The following CLSTN2 variants were observed in gnomAD, a reference collection of about 807,000 sequenced individuals.
CLSTN2 encodes the protein calsyntenin 2.
CLSTN2 carries 48 observed loss-of-function variants against 101.2 expected under a neutral mutation model. That is an observed-to-expected ratio of 0.47 (90% CI 0.38 to 0.60). The LOEUF (loss-of-function observed/expected upper bound fraction) is 0.60, where lower values mean the gene tolerates loss of function less well. Among genes scored for constraint, CLSTN2 ranks in the 20% least tolerant of loss-of-function variants. CLSTN2 has a pLI of 0.00. For missense variants in CLSTN2, 1,160 were observed against 1,238.2 expected (o/e 0.94, Z 0.95); for synonymous variants, 481 against 463.6 (o/e 1.04, Z -0.48).
rs1328264776 is a variant in CLSTN2, at chr3:140,032,102, G to A, written c.109+96619G>A. ...CTTCCCCCACAGACCAAAGGAAAGC[G>A]CTGCCCATGAACATATTGCATAGAC... On this transcript the variant is annotated intron_variant, in intron 1 of 16. Coordinates refer to ENST00000458420, the MANE Select transcript of CLSTN2 (RefSeq NM_022131.3). Among the ~76,000 whole-genome samples, 5 of 152,244 alleles carry A rather than the reference G, an allele frequency of 3.3e-5. No individual in the cohort carries two copies. The South Asian group carries it at 6.2e-4, about 19-fold the overall frequency.
chr3:140,415,066 C>A (rs1393003510), intron 4 of CLSTN2, among the ~76,000 whole-genome samples: 6 of 151,590 alleles, frequency 4.0e-5, no homozygotes, highest in African/African-American at 1.5e-4. Context: ...ACCAAAGCCA[C>A]CAAGAATACA....
intron 9 of CLSTN2, among the ~76,000 whole-genome samples, chr3:140,534,223 G>C (rs1000998551): frequency 4.8e-4 from 73 of 152,148 alleles, no homozygotes; most frequent in Non-Finnish European, 5.9e-5. Flanking sequence ...TGGGTGTTAT[G>C]GAACATAGCC....
chr3:140,033,554 C>T (rs74489768), intron 1 of CLSTN2, among the ~76,000 whole-genome samples: 1 of 152,314 alleles, frequency 6.6e-6, no homozygotes, highest in East Asian at 1.9e-4. Flanking sequence ...GAAATGAACA[C>T]AAACACCACT....
At position 140,568,107 on chromosome 3, in the gene CLSTN2, G is replaced by C. The variant is rs1985358279; in HGVS notation, c.*1854G>C. The C allele has an allele frequency of 6.6e-6, 1 of 152,178 alleles. No individual in the cohort carries two copies. Among genetic ancestry groups the C allele is most frequent in the Non-Finnish European group, 1.5e-5 (1 of 68,044 alleles). The allele number at this position is 152,178 out of a possible 1,614,324, so 9.4% of individuals were successfully genotyped here. A position where few individuals can be genotyped will look rare whatever the true frequency, so the allele number is the denominator to read the frequency against. ...TTGTTCAGAGTCATTCAAAAGTATA[G>C]ACAAGACCAGTCTCCCCAACTTCCA... On this transcript the variant is annotated 3_prime_UTR_variant, in exon 17 of 17. Coordinates refer to ENST00000458420, the MANE Select transcript of CLSTN2 (RefSeq NM_022131.3).
intron 1 of CLSTN2, among the ~76,000 whole-genome samples, chr3:140,008,731 G>T (rs1208975282): frequency 6.6e-6 from 1 of 152,184 alleles, no homozygotes; most frequent in Non-Finnish European, 1.5e-5. Context: ...ACTCCAGAAG[G>T]CCATCAAAGA....
In CLSTN2 at chr3:140,484,809, A is replaced by G. The variant is rs147623713; in HGVS notation, c.1344+18078A>G. Among the ~76,000 whole-genome samples, 47 of 152,210 alleles carry G rather than the reference A, an allele frequency of 3.1e-4. No homozygotes were observed. The East Asian group carries it at 8.5e-3, about 28-fold the overall frequency. On this transcript the variant is annotated intron_variant, in intron 8 of 16. Coordinates refer to ENST00000458420, the MANE Select transcript of CLSTN2 (RefSeq NM_022131.3). ...CTCTCGTGCTGTGGTTTTCAGCTCC[A>G]TCAGGTCATTTAAGGACTTCTCTGC...
intron 8 of CLSTN2, among the ~76,000 whole-genome samples, chr3:140,509,705 A>G (rs539058720): frequency 6.6e-6 from 1 of 152,134 alleles, no homozygotes; most frequent in East Asian, 1.9e-4. Flanking sequence ...CCTGCAGGAG[A>G]CAGCACAGGG....
At chr3:140,033,973 G>A (rs1027162237) in intron 1 of CLSTN2, among the ~76,000 whole-genome samples, 1 of 152,040 alleles carries the variant, frequency 6.6e-6, no homozygotes, top group Non-Finnish European at 1.5e-5. Flanking sequence ...AGCCTGAAAG[G>A]GTACAAACTT....
intron 2 of CLSTN2, among the ~76,000 whole-genome samples, chr3:140,180,076 G>A (rs1001692364): frequency 6.6e-6 from 1 of 152,166 alleles, no homozygotes; most frequent in Non-Finnish European, 1.5e-5. Flanking sequence ...GCTTTCCAGG[G>A]CTGTTTGTTG....
intron 2 of CLSTN2, among the ~76,000 whole-genome samples, chr3:140,273,854 T>C (rs754498510): frequency 2.6e-5 from 4 of 152,192 alleles, no homozygotes; most frequent in Non-Finnish European, 5.9e-5. Context: ...CTACAAAGAA[T>C]GTCCTTACCT....
chr3:140,329,256 G>A (rs1185794220), intron 2 of CLSTN2, among the ~76,000 whole-genome samples: 1 of 152,188 alleles, frequency 6.6e-6, no homozygotes, highest in Non-Finnish European at 1.5e-5. Context: ...GGGCATGGTG[G>A]CACATGCCTG....
intron 1 of CLSTN2, among the ~76,000 whole-genome samples, chr3:140,153,836 C>T (rs956978728): frequency 2.0e-5 from 3 of 152,144 alleles, no homozygotes; most frequent in Non-Finnish European, 1.5e-5. Flanking sequence ...GGGAGTGGAG[C>T]TTCCAGAGGG....
chr3:140,227,455 G>T (rs185417032), intron 2 of CLSTN2, among the ~76,000 whole-genome samples: 1 of 152,148 alleles, frequency 6.6e-6, no homozygotes, highest in African/African-American at 2.4e-5. Context: ...CTTCCCTCCC[G>T]GCTGTCCTCA....
chr3:140,550,576 C>T (rs1436306530), intron 10 of CLSTN2, among the ~76,000 whole-genome samples: 34 of 152,002 alleles, frequency 2.2e-4, no homozygotes, highest in African/African-American at 7.7e-4. Flanking sequence ...TTTGCATCTG[C>T]GTAGATCTTC....
chr3:140,366,362 A>T (rs2087789471), intron 2 of CLSTN2, among the ~76,000 whole-genome samples: 1 of 152,268 alleles, frequency 6.6e-6, no homozygotes, highest in Non-Finnish European at 1.5e-5. Context: ...TCCTGGAACC[A>T]GTCATGAGAC....
At chr3:140,476,329 T>C (rs1933983229) in intron 8 of CLSTN2, among the ~76,000 whole-genome samples, 1 of 152,234 alleles carries the variant, frequency 6.6e-6, no homozygotes, top group Non-Finnish European at 1.5e-5. Context: ...TCAGTTCTTA[T>C]TTATATCAAG....
chr3:140,463,274 G>A (rs1933607131), intron 7 of CLSTN2, among the ~76,000 whole-genome samples: 1 of 152,176 alleles, frequency 6.6e-6, no homozygotes, highest in Non-Finnish European at 1.5e-5. Flanking sequence ...TTTGAACTGA[G>A]AACAATGAAT....
At position 140,156,156 on chromosome 3, in the gene CLSTN2, TCTTATTAAAAAGAGG is replaced by T. The variant is rs1250852403; in HGVS notation, c.110-19792_110-19778del. Among the ~76,000 whole-genome samples the T allele has an allele frequency of 2.0e-5, 3 of 152,334 alleles. No homozygotes were observed. In the East Asian group the frequency reaches 5.8e-4, roughly 29 times the overall value. On this transcript the variant is annotated intron_variant, in intron 1 of 16. Coordinates refer to ENST00000458420, the MANE Select transcript of CLSTN2 (RefSeq NM_022131.3). ...AATAAGTTTTATCTTAGGTGCTATCTCTTATTAAAAAGAGGCTGCCACAAACGTTGTGTTGAGAAA... is the reference window on the plus strand; with the variant it reads ...AATAAGTTTTATCTTAGGTGCTATCTCTGCCACAAACGTTGTGTTGAGAAA...
intron 9 of CLSTN2, among the ~76,000 whole-genome samples, chr3:140,536,581 A>T (rs1036693972): frequency 1.1e-4 from 17 of 152,192 alleles, no homozygotes; most frequent in Admixed American, 3.3e-4. Context: ...GAAGACAGGT[A>T]TTGGAAGGTG....
Sources: allele counts gnomAD v4.1 joint callset (sites outside exome capture counted in the v4.1 genomes callset), GRCh38; gene constraint gnomAD v4.1.1; transcripts MANE v1.5; gene names NCBI Gene and HGNC (gene_info 2026-07-23, HGNC 2026-07-21).